The following CTNNA2 variants were observed in gnomAD, a reference collection of about 807,000 sequenced individuals.
The protein encoded by CTNNA2 is catenin alpha-2.
CTNNA2 carries 42 observed loss-of-function variants against 101.0 expected under a neutral mutation model. The ratio of observed to expected loss-of-function variants is 0.42; its 90% CI spans 0.32 to 0.54. The LOEUF is 0.54. CTNNA2 is among the 20% of genes least tolerant of loss of function. The probability of loss-of-function intolerance (pLI) is 0.14; values close to 1 mark genes in which losing one functional copy is unlikely to be tolerated. For missense variants in CTNNA2, 871 were observed against 1,223.1 expected (o/e 0.71, Z 4.29); for synonymous variants, 450 against 456.4 (o/e 0.99, Z 0.18).
In CTNNA2 at chr2:79,594,181, C is replaced by T. The variant is rs535013391; in HGVS notation, c.-5-57371C>T. Among the ~76,000 whole-genome samples, 13 of 152,200 alleles carry T rather than the reference C, an allele frequency of 8.5e-5. No individual in the cohort carries two copies. The South Asian group carries it at 1.7e-3, about 19-fold the overall frequency. ...GGGATTACAGGTGTGAGCCACCGCACCTGGCCTCTTTTACTTCTTTTTTAT... is the reference window on the plus strand; with the variant it reads ...GGGATTACAGGTGTGAGCCACCGCATCTGGCCTCTTTTACTTCTTTTTTAT... On this transcript the variant is annotated intron_variant, in intron 1 of 18. Coordinates refer to ENST00000402739, the MANE Select transcript of CTNNA2 (RefSeq NM_001282597.3).
chr2:80,147,558 C>T (rs753743789), intron 7 of CTNNA2, among the ~76,000 whole-genome samples: 9 of 152,328 alleles, frequency 5.9e-5, no homozygotes, highest in Middle Eastern at 3.4e-3. Context: ...GATTTTCCAA[C>T]AAAATGCCCC....
intron 9 of CTNNA2, among the ~76,000 whole-genome samples, chr2:80,445,099 C>A (rs1369547063): frequency 1.3e-5 from 2 of 152,080 alleles, no homozygotes; most frequent in African/African-American, 4.8e-5. Flanking sequence ...TAATTTAGGC[C>A]ATGAACCTCA....
intron 2 of CTNNA2, among the ~76,000 whole-genome samples, chr2:79,701,997 CAAAAAAAAAA>C (rs58716617): frequency 2.7e-5 from 2 of 75,432 alleles, no homozygotes; most frequent in Non-Finnish European, 4.9e-5. Flanking sequence ...GACTCTGTCT[CAAAAAAAAAA>C]AAAAAAAAAA....
At chr2:80,532,490 TTAA>T (rs1187806630) in intron 9 of CTNNA2, among the ~76,000 whole-genome samples, 1 of 152,186 alleles carries the variant, frequency 6.6e-6, no homozygotes, top group Admixed American at 6.5e-5. Flanking sequence ...CTTATTTTAC[TTAA>T]TAATGGCTCC....
At chr2:80,052,255 T>TCC (rs1696923100) in intron 7 of CTNNA2, among the ~76,000 whole-genome samples, 1 of 152,210 alleles carries the variant, frequency 6.6e-6, no homozygotes, top group South Asian at 2.1e-4. Context: ...AGATAATAGA[T>TCC]ACAGCTACAT....
intron 7 of CTNNA2, among the ~76,000 whole-genome samples, chr2:80,278,203 C>T (rs77923242): frequency 0.043 from 6,485 of 151,984 alleles, 200 homozygotes; most frequent in Middle Eastern, 0.075. Context: ...AAGACAGCGC[C>T]CCAAATATAG....
chr2:80,273,938 A>T (rs974495708), intron 7 of CTNNA2, among the ~76,000 whole-genome samples: 1 of 151,922 alleles, frequency 6.6e-6, no homozygotes, highest in African/African-American at 2.4e-5. Context: ...GAGATGCGAG[A>T]TGTGTTGTGG....
At chr2:80,576,834 C>T (rs1158677674) in intron 13 of CTNNA2, among the ~76,000 whole-genome samples, 6 of 146,500 alleles carry the variant, frequency 4.1e-5, no homozygotes, top group Non-Finnish European at 6.0e-5. Context: ...GGCATGTTGG[C>T]GTGCATCTGT....
chr2:80,303,424 G>T lies in CTNNA2; in HGVS notation c.1057-89787G>T, dbSNP rs771688700. ...TGCGCAGGTTGGGCATGGGCCGGAA[G>T]GTGGTGTTGGGCAGTTGGGTGATCT... On this transcript the variant is annotated intron_variant, in intron 7 of 18. Transcript: ENST00000402739. This position sits in a 1 kb window ranked among gnomAD's most constrained non-coding sequence, Gnocchi z 7.7. The T allele has an allele frequency of 1.2e-6, 2 of 1,614,204 alleles. No homozygotes were observed. Among genetic ancestry groups the T allele is most frequent in the Non-Finnish European group, 1.7e-6 (2 of 1,180,038 alleles).
intron 9 of CTNNA2, among the ~76,000 whole-genome samples, chr2:80,426,488 A>C (rs1255797042): frequency 6.6e-6 from 1 of 152,072 alleles, no homozygotes; most frequent in East Asian, 1.9e-4. Context: ...CACACATTCT[A>C]TTGTGCAGGC....
chr2:80,236,127 C>G (rs977920948), intron 7 of CTNNA2, among the ~76,000 whole-genome samples: 2 of 152,202 alleles, frequency 1.3e-5, no homozygotes, highest in African/African-American at 4.8e-5. Context: ...CATGTTCTCT[C>G]AAAAGACATG....
At chr2:80,505,848 A>G (rs2149541304) in intron 9 of CTNNA2, among the ~76,000 whole-genome samples, 1 of 152,360 alleles carries the variant, frequency 6.6e-6, no homozygotes, top group African/African-American at 2.4e-5. Context: ...AAAGTTAGTT[A>G]AAAAGTTAAC....
chr2:80,517,542 A>C (rs189011803), intron 9 of CTNNA2, among the ~76,000 whole-genome samples: 1 of 152,316 alleles, frequency 6.6e-6, no homozygotes, highest in South Asian at 2.1e-4. Context: ...GAGTTAAAGG[A>C]TGACAGGACC....
chr2:80,204,464 A>C (rs1347152298), intron 7 of CTNNA2, among the ~76,000 whole-genome samples: 1 of 152,242 alleles, frequency 6.6e-6, no homozygotes, highest in Non-Finnish European at 1.5e-5. Context: ...TCTAGAGCAG[A>C]GGCAAAATGC....
intron 7 of CTNNA2, among the ~76,000 whole-genome samples, chr2:80,093,967 C>G (rs1222969931): frequency 6.6e-6 from 1 of 152,018 alleles, no homozygotes; most frequent in Non-Finnish European, 1.5e-5. Context: ...CCTGTTCACT[C>G]TGATGGTAGT....
chr2:79,562,683 G>A (rs961588008), intron 1 of CTNNA2, among the ~76,000 whole-genome samples: 1 of 151,968 alleles, frequency 6.6e-6, no homozygotes, highest in Admixed American at 6.6e-5. Flanking sequence ...ATAGAAACAC[G>A]TGTGTAGCAT....
chr2:80,645,299 C>CTGAT (rs1673952435), intron 18 of CTNNA2, among the ~76,000 whole-genome samples: 1 of 152,122 alleles, frequency 6.6e-6, no homozygotes, highest in Non-Finnish European at 1.5e-5. Context: ...TTATCTGTTC[C>CTGAT]TGATTGTTCC....
chr2:79,692,538 G>T (rs550454609), intron 2 of CTNNA2, among the ~76,000 whole-genome samples: 1 of 152,016 alleles, frequency 6.6e-6, no homozygotes, highest in South Asian at 2.1e-4. Flanking sequence ...AATTACAAAG[G>T]ATTATAAATC....
chr2:79,721,700 G>C (rs1377948072), intron 2 of CTNNA2, among the ~76,000 whole-genome samples: 1 of 152,088 alleles, frequency 6.6e-6, no homozygotes, highest in Non-Finnish European at 1.5e-5. Context: ...AAATAATTTG[G>C]ACTGCTATCA....
Sources: gnomAD v4.1 joint callset for allele counts (sites outside exome capture counted in the v4.1 genomes callset) on GRCh38, gnomAD v4.1.1 for gene constraint, Gnocchi (gnomAD v3.1) non-coding constraint, MANE v1.5 for transcripts, NCBI Gene and HGNC (gene_info 2026-07-23, HGNC 2026-07-21) for gene names.